Variants in SRPK1 observed in about 807,000 individuals in gnomAD.
The protein encoded by SRPK1 is SFRS protein kinase 1.
A neutral mutation model predicts 89.5 loss-of-function variants in SRPK1; 52 were observed. The observed-to-expected ratio is 0.58, with a 90% CI of 0.46 to 0.73. The LOEUF is 0.73. Among genes scored for constraint, SRPK1 ranks in the 30% least tolerant of loss-of-function variants. The pLI is 0.00. For synonymous variants in SRPK1, 255 were observed against 270.2 expected (o/e 0.94, Z 0.55); for missense variants, 603 against 780.6 (o/e 0.77, Z 2.71).
chr6:35,898,664 G>A (rs1335646663), intron 2 of SRPK1, among the ~76,000 whole-genome samples: 20 of 152,146 alleles, frequency 1.3e-4, no homozygotes, highest in South Asian at 4.1e-4. Context: ...CTTGGGAGGC[G>A]GAGGTGGCAG....
rs1770063335 is a variant in SRPK1 at position 35,872,875 on chromosome 6, T to C, written c.586-147A>G. The C allele has an allele frequency of 5.5e-6, 4 of 724,744 alleles. No individual in the cohort carries two copies. The South Asian group carries it at 7.1e-5, about 13-fold the overall frequency. 44.9% of individuals were successfully genotyped at this position (724,744 alleles called of 1,614,324 possible). On this transcript the variant is annotated intron_variant, in intron 7 of 15. Transcript: ENST00000373825. ...AAAGCACCTTTTAAAAAAGCACAAA[T>C]AAACTTTCTCAGAAAGATTAAACTA...
At chr6:35,836,936 G>T (rs1769193659) in intron 15 of SRPK1, among the ~76,000 whole-genome samples, 2 of 152,056 alleles carry the variant, frequency 1.3e-5, no homozygotes, top group Non-Finnish European at 2.9e-5. Context: ...CTAAAAAGAG[G>T]TTTAAGAAAG....
intron 12 of SRPK1, among the ~76,000 whole-genome samples, chr6:35,859,804 A>G (rs1185179926): frequency 6.6e-6 from 1 of 152,156 alleles, no homozygotes; most frequent in Non-Finnish European, 1.5e-5. Flanking sequence ...TAATGCCTAC[A>G]TCAGAGTATG....
chr6:35,866,577 C>T (rs1377059573), intron 12 of SRPK1, among the ~76,000 whole-genome samples: 11 of 151,666 alleles, frequency 7.3e-5, no homozygotes, highest in Middle Eastern at 3.4e-3. Context: ...TAGAGCGAGA[C>T]TCCATTTAAA....
At chr6:35,858,333 T>C (rs1769707633) in intron 12 of SRPK1, among the ~76,000 whole-genome samples, 1 of 152,050 alleles carries the variant, frequency 6.6e-6, no homozygotes, top group African/African-American at 2.4e-5. Context: ...TGTGACACTT[T>C]GTCACCTAAA....
In SRPK1 at chr6:35,869,067, T is replaced by G. The variant is rs908194944; in HGVS notation, c.1455A>C (p.Pro485=). 1.9e-6 allele frequency: 3 copies of G among 1,613,994 alleles called. No individual in the cohort carries two copies. Among genetic ancestry groups the G allele is most frequent in the Admixed American group, 3.3e-5 (2 of 59,998 alleles). The change falls in exon 12 of 16, where the codon CCA becomes CCC. Residue 485 remains proline, a synonymous_variant. Transcript: ENST00000373825. ...AGNFLVNPLE[P]KNAEKLKVKI... ...TCACCTTGAGCTTTTCTGCATTTTT[T>G]GGCTCAAGGGGATTAACAAGAAAAT... is the stretch of plus-strand genomic sequence containing the variant.
intron 2 of SRPK1, among the ~76,000 whole-genome samples, chr6:35,919,894 T>C (rs750879440): frequency 1.3e-5 from 2 of 152,164 alleles, no homozygotes; most frequent in Non-Finnish European, 2.9e-5. Flanking sequence ...ACCGACTGTA[T>C]ACACAGCGGT....
chr6:35,893,883 C>A (rs1051569520), intron 2 of SRPK1, among the ~76,000 whole-genome samples: 2 of 151,850 alleles, frequency 1.3e-5, no homozygotes, highest in Admixed American at 1.3e-4. Flanking sequence ...CAGTGGCATG[C>A]GCCTGTAATC....
intron 7 of SRPK1, among the ~76,000 whole-genome samples, chr6:35,873,861 C>T (rs1235155034): frequency 3.3e-5 from 5 of 151,678 alleles, no homozygotes; most frequent in African/African-American, 1.2e-4. Context: ...GAGTCTCGCT[C>T]TGTCGCCCAG....
chr6:35,865,483 T>C (rs555442863), intron 12 of SRPK1, among the ~76,000 whole-genome samples: 5 of 152,170 alleles, frequency 3.3e-5, no homozygotes, highest in South Asian at 4.1e-4. Context: ...AGAACCTAAA[T>C]AGCCAAAAGA....
chr6:35,897,270 G>A (rs1770644994), intron 2 of SRPK1, among the ~76,000 whole-genome samples: 1 of 152,198 alleles, frequency 6.6e-6, no homozygotes, highest in Non-Finnish European at 1.5e-5. Flanking sequence ...TTGAGAGGAA[G>A]AGAGAGATAA....
chr6:35,855,233 C>T (rs1033885356), intron 13 of SRPK1, among the ~76,000 whole-genome samples: 7 of 151,862 alleles, frequency 4.6e-5, no homozygotes, highest in African/African-American at 1.7e-4. Flanking sequence ...ACCTGGGAGG[C>T]GGAGCTTGCA....
intron 6 of SRPK1, among the ~76,000 whole-genome samples, chr6:35,877,606 G>A (rs990925543): frequency 3.9e-5 from 6 of 152,146 alleles, no homozygotes; most frequent in African/African-American, 1.4e-4. Context: ...ACTTTGGGAG[G>A]CCGAGGTGGG....
At chr6:35,867,050 G>A (rs534532518) in intron 12 of SRPK1, among the ~76,000 whole-genome samples, 1 of 152,242 alleles carries the variant, frequency 6.6e-6, no homozygotes, top group South Asian at 2.1e-4. Flanking sequence ...TTACTTGGTG[G>A]TTACAATGTG....
At chr6:35,879,423 G>A (rs1460287581) in intron 6 of SRPK1, among the ~76,000 whole-genome samples, 4 of 151,986 alleles carry the variant, frequency 2.6e-5, no homozygotes, top group East Asian at 1.9e-4. Context: ...GCATGCAACT[G>A]TAGTCTCAGC....
intron 2 of SRPK1, among the ~76,000 whole-genome samples, chr6:35,915,181 A>C (rs1025659987): frequency 6.6e-6 from 1 of 152,152 alleles, no homozygotes; most frequent in Non-Finnish European, 1.5e-5. Flanking sequence ...AGGCGGGCAG[A>C]ACGCGACGTC....
chr6:35,886,930 T>C (rs963020029), intron 5 of SRPK1, 119 bp from the exon 6 acceptor site: 1 of 601,568 alleles, frequency 1.7e-6, no homozygotes. Flanking sequence ...AATCTATTTT[T>C]AAAATATACT....
At position 35,857,281 on chromosome 6, in the gene SRPK1, T is replaced by G; in HGVS notation, c.1600A>C (p.Ile534Leu). Residue 534 changes from isoleucine to leucine, a missense_variant, in exon 13 of 16, where the codon ATT becomes CTT. By Grantham distance (5) the Ile-to-Leu change is conservative. Coordinates refer to ENST00000373825, the MANE Select transcript of SRPK1 (RefSeq NM_003137.5). ...IGSGYNTPADIWSTACMAFEL... is the reference protein window; with the variant it reads ...IGSGYNTPADLWSTACMAFEL... ...ATTACCATGCATGCCGTGCTCCAAA[T>G]GTCAGCAGGGGTATTATAGCCAGAT... The G allele has an allele frequency of 3.1e-6, 5 of 1,612,882 alleles. No individual in the cohort carries two copies. Among genetic ancestry groups the G allele is most frequent in the Non-Finnish European group, 4.2e-6 (5 of 1,179,352 alleles).
At chr6:35,843,810 T>C (rs1769370083) in intron 13 of SRPK1, among the ~76,000 whole-genome samples, 1 of 152,196 alleles carries the variant, frequency 6.6e-6, no homozygotes. Context: ...GCCTAGCCTA[T>C]GTGACTGGCA....
Sources: gnomAD v4.1 joint callset for allele counts (sites outside exome capture counted in the v4.1 genomes callset) on GRCh38, gnomAD v4.1.1 for gene constraint, MANE v1.5 for transcripts, NCBI Gene and HGNC (gene_info 2026-07-23, HGNC 2026-07-21) for gene names.